The following PDZD2 variants were observed in gnomAD, a reference collection of about 807,000 sequenced individuals.
The protein encoded by PDZD2 is PDZ domain-containing protein 2.
In PDZD2, 90 loss-of-function variants were observed where a neutral mutation model predicts 220.7. The ratio of observed to expected loss-of-function variants is 0.41; its 90% CI spans 0.34 to 0.49. The LOEUF is 0.49. Ranked by LOEUF, PDZD2 falls within the 20% of genes least tolerant of loss-of-function variation. The pLI, the probability that PDZD2 is intolerant of heterozygous loss-of-function variation, is 0.28. For synonymous variants in PDZD2, 1,375 were observed against 1,450.5 expected, an observed-to-expected ratio of 0.95 and a Z score of 1.18; for missense variants, 3,174 against 3,608.5, an observed-to-expected ratio of 0.88 and a Z score of 3.08.
intron 1 of PDZD2, among the ~76,000 whole-genome samples, chr5:31,718,458 G>A (rs141320860): frequency 4.6e-5 from 7 of 152,300 alleles, no homozygotes; most frequent in African/African-American, 7.2e-5. Flanking sequence ...ACCACAGGCC[G>A]TGTGGCTGAA....
chr5:31,960,763 ATAAT>A (rs1375337079), intron 2 of PDZD2, among the ~76,000 whole-genome samples: 16 of 152,316 alleles, frequency 1.1e-4, no homozygotes, highest in Admixed American at 2.0e-4. Context: ...CATTCTTCAT[ATAAT>A]TAGTGTTGTT....
chr5:31,686,610 G>T (rs546056002), intron 1 of PDZD2, among the ~76,000 whole-genome samples: 1 of 151,994 alleles, frequency 6.6e-6, no homozygotes, highest in Non-Finnish European at 1.5e-5. Context: ...CTAGTCATCC[G>T]CCTGCCTCGG....
chr5:32,081,388 T>A (rs769316095), intron 19 of PDZD2, among the ~76,000 whole-genome samples: 1 of 152,248 alleles, frequency 6.6e-6, no homozygotes, highest in African/African-American at 2.4e-5. Context: ...ATATATGTGC[T>A]ATATTTAGTT....
At chr5:31,973,930 G>A (rs1454477628) in intron 2 of PDZD2, among the ~76,000 whole-genome samples, 3 of 152,188 alleles carry the variant, frequency 2.0e-5, no homozygotes, top group Non-Finnish European at 4.4e-5. Flanking sequence ...GGCTGAGGCA[G>A]GAGGATCACT....
In PDZD2 at chr5:31,639,162, G is replaced by A. The variant is rs1231464584; in HGVS notation, c.-636G>A. Among the ~76,000 whole-genome samples, 1 of 152,074 alleles carries A rather than the reference G, an allele frequency of 6.6e-6. No homozygotes were observed. The highest frequency in any genetic ancestry group is 2.4e-5 in the African/African-American group (1 of 41,448). ...CGGCGGATCCCCTGCGCAGCGAGGC[G>A]AGGAGCGGACCCCAGCGCCGGTGCG... On this transcript the variant is annotated 5_prime_UTR_variant, in exon 1 of 25. Transcript: ENST00000438447. This position sits in a 1 kb window ranked among gnomAD's most constrained non-coding sequence, Gnocchi z 4.1.
chr5:31,960,693 C>T (rs916757189), intron 2 of PDZD2, among the ~76,000 whole-genome samples: 4 of 152,184 alleles, frequency 2.6e-5, no homozygotes, highest in African/African-American at 7.2e-5. Flanking sequence ...CACATCTACC[C>T]CCAAAGCAAG....
At chr5:32,034,252 A>T (rs1755349561) in intron 6 of PDZD2, among the ~76,000 whole-genome samples, 1 of 151,988 alleles carries the variant, frequency 6.6e-6, no homozygotes, top group African/African-American at 2.4e-5. Flanking sequence ...TAAGCTACCC[A>T]TTTAGTAGGC....
intron 1 of PDZD2, among the ~76,000 whole-genome samples, chr5:31,657,863 A>G (rs973066309): frequency 6.6e-6 from 1 of 152,204 alleles, no homozygotes; most frequent in African/African-American, 2.4e-5. Context: ...CATTAGTAGA[A>G]GAGATGTACA....
chr5:32,002,851 AACAC>A (rs760699300), intron 5 of PDZD2, among the ~76,000 whole-genome samples: 1 of 91,822 alleles, frequency 1.1e-5, no homozygotes, highest in African/African-American at 4.4e-5. Context: ...ACCACACACC[AACAC>A]ACACACACCC....
At chr5:31,892,720 A>G in intron 2 of PDZD2, among the ~76,000 whole-genome samples, 1 of 99,432 alleles carries the variant, frequency 1.0e-5, no homozygotes, top group Non-Finnish European at 1.8e-5. Flanking sequence ...GGTGTGCACC[A>G]CCACACCCGG....
At chr5:31,670,250 T>C (rs1372296233) in intron 1 of PDZD2, among the ~76,000 whole-genome samples, 2 of 151,950 alleles carry the variant, frequency 1.3e-5, no homozygotes, top group African/African-American at 4.8e-5. Context: ...ATCAGTGGGG[T>C]TTTTGCCAGT....
chr5:32,066,595 C>T (rs1312825413), intron 14 of PDZD2, among the ~76,000 whole-genome samples: 1 of 152,250 alleles, frequency 6.6e-6, no homozygotes. Context: ...CCTCCTTTCA[C>T]CTCGGGAAGC....
Position 32,087,444 on chromosome 5 carries a change from A to T in PDZD2, c.3996A>T (p.Gly1332=), listed in dbSNP as rs1742591985. The T allele has an allele frequency of 6.2e-7, 1 of 1,613,954 alleles. No individual in the cohort carries two copies. Among genetic ancestry groups the T allele is most frequent in the African/African-American group, 1.3e-5 (1 of 74,930 alleles). Residue 1332 remains glycine (G), a synonymous_variant, in exon 20 of 25, where the codon GGA becomes GGT. Coordinates refer to ENST00000438447, the MANE Select transcript of PDZD2 (RefSeq NM_178140.4). This position sits in a 1 kb window ranked among gnomAD's most constrained non-coding sequence, Gnocchi z 4.0. ...ALRGAGPGAE[G]MTPAGAVLPG... Reference sequence around the variant, plus strand: ...GGGGAGCGGGACCTGGAGCAGAGGGAATGACACCAGCTGGTGCTGTCCTGC... The same window carrying T: ...GGGGAGCGGGACCTGGAGCAGAGGGTATGACACCAGCTGGTGCTGTCCTGC...
intron 2 of PDZD2, among the ~76,000 whole-genome samples, chr5:31,915,094 T>A (rs1353643712): frequency 6.6e-6 from 1 of 152,202 alleles, no homozygotes; most frequent in Non-Finnish European, 1.5e-5. Context: ...ATACCGTTAC[T>A]TTCTAAACAG....
rs1754513570 is a variant in PDZD2, at chr5:31,803,268, T to TTA, written c.476+3545_476+3546insAT. On this transcript the variant is annotated intron_variant, in intron 2 of 24. Coordinates refer to ENST00000438447, the MANE Select transcript of PDZD2 (RefSeq NM_178140.4). ...GTGCACCACTGCATCTGGCTTTTTT[T>TTA]TTTTTTTTTTTTTTTGTAGAGATGG... 3.5e-5 allele frequency among the ~76,000 whole-genome samples: 5 copies of TTA among 143,106 alleles called. No homozygotes were observed. The South Asian group carries it at 1.2e-3, about 33-fold the overall frequency. 93.9% of individuals were successfully genotyped at this position (143,106 alleles called of 152,430 possible). A position where few individuals can be genotyped will look rare whatever the true frequency, so the allele number is the denominator to read the frequency against.
chr5:31,989,239 G>A (rs1221047864), intron 3 of PDZD2, among the ~76,000 whole-genome samples: 1 of 152,076 alleles, frequency 6.6e-6, no homozygotes, highest in African/African-American at 2.4e-5. Context: ...ATTCCACTCT[G>A]CACGGACAGC....
chr5:32,108,347 C>A lies in PDZD2; in HGVS notation c.*212C>A, dbSNP rs534231243. ...AGCCTTCCACCTGCGTCACCCAGGC[C>A]GGGAGGGTTCCTTCGTTCCAGTGCC... On this transcript the variant is annotated 3_prime_UTR_variant, in exon 25 of 25. Coordinates refer to ENST00000438447, the MANE Select transcript of PDZD2 (RefSeq NM_178140.4). 1 of 382,250 alleles carries A rather than the reference C, an allele frequency of 2.6e-6. No homozygotes were observed. The highest frequency in any genetic ancestry group is 4.6e-6 in the Non-Finnish European group (1 of 215,282). The allele number at this position is 382,250 out of a possible 1,614,324, so 23.7% of individuals were successfully genotyped here. A position where few individuals can be genotyped will look rare whatever the true frequency, so the allele number is the denominator to read the frequency against.
intron 2 of PDZD2, among the ~76,000 whole-genome samples, chr5:31,891,127 C>CATTTTTTTTTTTTTTT: frequency 1.0e-5 from 1 of 96,420 alleles, no homozygotes. Flanking sequence ...GGGGTTTTTC[C>CATTTTTTTTTTTTTTT]TTTTTTTTTT....
intron 1 of PDZD2, among the ~76,000 whole-genome samples, chr5:31,714,672 T>C (rs926761474): frequency 2.0e-5 from 3 of 152,150 alleles, no homozygotes; most frequent in Non-Finnish European, 4.4e-5. Flanking sequence ...CATGTACTGC[T>C]CTATTTGAGT....
Sources: gnomAD v4.1 joint callset for allele counts (sites outside exome capture counted in the v4.1 genomes callset) on GRCh38, gnomAD v4.1.1 for gene constraint, Gnocchi (gnomAD v3.1) non-coding constraint, MANE v1.5 for transcripts, NCBI Gene and HGNC (gene_info 2026-07-23, HGNC 2026-07-21) for gene names.